The following CACNA2D3 variants were observed in gnomAD, a reference collection of about 807,000 sequenced individuals.
The protein encoded by CACNA2D3 is calcium voltage-gated channel auxiliary subunit alpha2delta 3.
CACNA2D3 carries 60 observed loss-of-function variants against 160.6 expected under a neutral mutation model. The observed-to-expected ratio is 0.37, with a 90% CI of 0.30 to 0.46. CACNA2D3 has a LOEUF of 0.46. Among genes scored for constraint, CACNA2D3 ranks in the 20% least tolerant of loss-of-function variants. The probability of loss-of-function intolerance (pLI) is 1.00; values close to 1 mark genes in which losing one functional copy is unlikely to be tolerated. For missense variants in CACNA2D3, 1,205 were observed against 1,365.0 expected (o/e 0.88, Z 1.85); for synonymous variants, 558 against 492.9 (o/e 1.13, Z -1.75).
At chr3:54,288,014 T>C (rs1349742444) in intron 2 of CACNA2D3, among the ~76,000 whole-genome samples, 1 of 151,470 alleles carries the variant, frequency 6.6e-6, no homozygotes, top group African/African-American at 2.4e-5. Flanking sequence ...ACAAAAGAAC[T>C]AGAAAAGCAA....
chr3:54,179,017 C>T lies in CACNA2D3; in HGVS notation c.204+55423C>T, dbSNP rs1700729184. ...ATGTGAGTTGGTGGCTGACAGTACC[C>T]AGCACTGCCTCTGCCCACACCGTCA... On this transcript the variant is annotated intron_variant, in intron 2 of 37. Transcript: ENST00000474759. 2.0e-5 allele frequency among the ~76,000 whole-genome samples: 3 copies of T among 152,066 alleles called. No homozygotes were observed. In the South Asian group the frequency reaches 6.2e-4, roughly 32 times the overall value.
chr3:54,934,882 C>G (rs568123577), intron 27 of CACNA2D3, among the ~76,000 whole-genome samples: 1 of 152,260 alleles, frequency 6.6e-6, no homozygotes, highest in African/African-American at 2.4e-5. Flanking sequence ...CAGGCACACA[C>G]CACCACACCC....
Position 54,502,270 on chromosome 3 carries a change from G to A in CACNA2D3, c.382-1222G>A, listed in dbSNP as rs143714343. 5.3e-5 allele frequency among the ~76,000 whole-genome samples: 8 copies of A among 152,122 alleles called. No individual in the cohort carries two copies. The East Asian group carries it at 7.7e-4, about 15-fold the overall frequency. ...GTGTCCCATTACACATATGTTACAC[G>A]TTTTGTGATTATCTCACAATTCTTG... On this transcript the variant is annotated intron_variant, in intron 4 of 37. Transcript: ENST00000474759.
chr3:55,028,423 A>T (rs1422837145), intron 35 of CACNA2D3, among the ~76,000 whole-genome samples: 2 of 152,180 alleles, frequency 1.3e-5, no homozygotes, highest in African/African-American at 4.8e-5. Flanking sequence ...CTGATTATTA[A>T]ATTAATCTGT....
chr3:54,807,051 A>G (rs1179412060), intron 13 of CACNA2D3, among the ~76,000 whole-genome samples: 1 of 152,256 alleles, frequency 6.6e-6, no homozygotes, highest in African/African-American at 2.4e-5. Context: ...ACAAAAATTA[A>G]TTCAAGATAG....
intron 16 of CACNA2D3, 96 bp downstream of exon 16, chr3:54,838,744 G>A: frequency 1.1e-6 from 1 of 907,692 alleles, no homozygotes; most frequent in South Asian, 1.4e-5. Flanking sequence ...TTGGAGCGAT[G>A]TTTTTGCTCA....
At chr3:54,853,212 T>G (rs954469065) in intron 17 of CACNA2D3, among the ~76,000 whole-genome samples, 3 of 152,090 alleles carry the variant, frequency 2.0e-5, no homozygotes, top group African/African-American at 7.2e-5. Context: ...CATCCCCTGC[T>G]TTAGTTTTCT....
chr3:54,133,187 G>GT (rs1409773875), intron 2 of CACNA2D3, among the ~76,000 whole-genome samples: 1 of 152,052 alleles, frequency 6.6e-6, no homozygotes, highest in African/African-American at 2.4e-5. Context: ...TGATGCAGGC[G>GT]TTTTTTGTAT....
Position 54,519,983 on chromosome 3 carries a change from A to G in CACNA2D3, c.544+16329A>G, listed in dbSNP as rs553033327. 2.2e-4 allele frequency among the ~76,000 whole-genome samples: 34 copies of G among 152,358 alleles called. No individual in the cohort carries two copies. In the East Asian group the frequency reaches 6.2e-3, roughly 28 times the overall value. On this transcript the variant is annotated intron_variant, in intron 5 of 37. Coordinates refer to ENST00000474759, the MANE Select transcript of CACNA2D3 (RefSeq NM_018398.3). ...TGAAGCAAAGAGTTTGAACACACCT[A>G]TTATATAAAGCTGTGTCTGCATTAA...
intron 13 of CACNA2D3, among the ~76,000 whole-genome samples, chr3:54,811,254 A>G (rs868774003): frequency 6.6e-6 from 1 of 151,598 alleles, no homozygotes; most frequent in Admixed American, 6.6e-5. Flanking sequence ...CTTCTCCCAT[A>G]CTCATCTTCT....
chr3:54,805,464 A>C (rs1221477002), intron 13 of CACNA2D3, among the ~76,000 whole-genome samples: 4 of 151,594 alleles, frequency 2.6e-5, no homozygotes, highest in Admixed American at 6.6e-5. Context: ...GAAATGGATA[A>C]ATTCCTCAAC....
rs149908915 is a variant in CACNA2D3, at chr3:54,914,853, C to T, written c.2449+14985C>T. ...AGCAATGGATACAGGGATGGGTTTT[C>T]CCAAACTGGAAACAGTAATTTCCTG... is the stretch of plus-strand genomic sequence containing the variant. On this transcript the variant is annotated intron_variant, in intron 27 of 37. Coordinates refer to ENST00000474759, the MANE Select transcript of CACNA2D3 (RefSeq NM_018398.3). 2.8e-3 allele frequency among the ~76,000 whole-genome samples: 427 copies of T among 152,256 alleles called. 2 individuals carry two copies. Among genetic ancestry groups the T allele is most frequent in the African/African-American group, 9.9e-3 (410 of 41,544 alleles).
chr3:54,626,657 G>A (rs1329551128), intron 9 of CACNA2D3: 1 of 678,370 alleles, frequency 1.5e-6, no homozygotes, highest in South Asian at 1.5e-5. Context: ...CAGTGGCTCA[G>A]CTAATAAAGG....
intron 31 of CACNA2D3, among the ~76,000 whole-genome samples, chr3:54,998,545 T>C (rs1024615785): frequency 2.6e-5 from 4 of 152,164 alleles, no homozygotes; most frequent in Admixed American, 2.6e-4. Context: ...CAGCACCTGT[T>C]GATGAAAGGT....
intron 9 of CACNA2D3, among the ~76,000 whole-genome samples, chr3:54,590,802 T>G (rs1252286882): frequency 2.6e-5 from 4 of 152,062 alleles, no homozygotes; most frequent in East Asian, 1.9e-4. Context: ...AAATAAAAAG[T>G]GTAATTAAAA....
At chr3:54,770,523 C>T (rs770163044) in intron 13 of CACNA2D3, among the ~76,000 whole-genome samples, 7 of 152,196 alleles carry the variant, frequency 4.6e-5, no homozygotes, top group Non-Finnish European at 8.8e-5. Context: ...TAAATGAGTG[C>T]TGGCAGCAAG....
intron 4 of CACNA2D3, among the ~76,000 whole-genome samples, chr3:54,449,849 T>G (rs1700278386): frequency 6.6e-6 from 1 of 152,192 alleles, no homozygotes; most frequent in Admixed American, 6.6e-5. Context: ...CCTCTTTTCT[T>G]ATAACTTACC....
At chr3:54,286,730 C>T (rs909081731) in intron 2 of CACNA2D3, among the ~76,000 whole-genome samples, 13 of 152,274 alleles carry the variant, frequency 8.5e-5, no homozygotes, top group Admixed American at 3.3e-4. Context: ...CCGGATCTCT[C>T]GGCAGAAACT....
At chr3:54,337,811 A>G (rs1039561830) in intron 3 of CACNA2D3, among the ~76,000 whole-genome samples, 3 of 152,182 alleles carry the variant, frequency 2.0e-5, no homozygotes, top group African/African-American at 7.2e-5. Flanking sequence ...TTCCATGTAT[A>G]TGTCTTCAAA....
Sources: allele counts gnomAD v4.1 joint callset (sites outside exome capture counted in the v4.1 genomes callset), GRCh38; gene constraint gnomAD v4.1.1; transcripts MANE v1.5; gene names NCBI Gene and HGNC (gene_info 2026-07-23, HGNC 2026-07-21).